Variants in SAMD12 observed in about 807,000 individuals in gnomAD.
SAMD12 encodes sterile alpha motif domain containing 12.
In SAMD12, 9 loss-of-function variants were observed where a neutral mutation model predicts 15.0. The ratio of observed to expected loss-of-function variants is 0.60; its 90% CI spans 0.36 to 1.05. The LOEUF (loss-of-function observed/expected upper bound fraction) is 1.05, where lower values mean the gene tolerates loss of function less well. Ranked by LOEUF, SAMD12 falls within the 50% of genes least tolerant of loss-of-function variation. The pLI is 0.01. For synonymous variants in SAMD12, 86 were observed against 90.1 expected (o/e 0.96, Z 0.25); for missense variants, 230 against 234.2 (o/e 0.98, Z 0.12).
chr8:118,432,260 T>C (rs1342957003), intron 3 of SAMD12, among the ~76,000 whole-genome samples: 1 of 152,052 alleles, frequency 6.6e-6, no homozygotes, highest in Non-Finnish European at 1.5e-5. Flanking sequence ...ATGATTACTT[T>C]GTCTCTTCAG....
intron 4 of SAMD12, among the ~76,000 whole-genome samples, chr8:118,215,689 C>T (rs1369213401): frequency 6.6e-6 from 1 of 151,538 alleles, no homozygotes; most frequent in Non-Finnish European, 1.5e-5. Flanking sequence ...TGTTCAATTC[C>T]CACCTATGAG....
the SAMD12 span, among the ~76,000 whole-genome samples, chr8:118,165,121 C>G: frequency 1.3e-5 from 2 of 152,034 alleles, no homozygotes; most frequent in Admixed American, 6.6e-5. Context: ...GGCTCACAAC[C>G]AAGATTGCCC....
the SAMD12 span, among the ~76,000 whole-genome samples, chr8:118,133,797 G>C: frequency 6.6e-6 from 1 of 151,972 alleles, no homozygotes; most frequent in Non-Finnish European, 1.5e-5. Flanking sequence ...ATAAGACAAA[G>C]TACTCATTCT....
intron 4 of SAMD12, among the ~76,000 whole-genome samples, chr8:118,202,056 T>C (rs1316358383): frequency 3.3e-5 from 5 of 152,184 alleles, no homozygotes; most frequent in African/African-American, 1.2e-4. Context: ...CACATGAATT[T>C]TTCCCAAGCT....
intron 3 of SAMD12, among the ~76,000 whole-genome samples, chr8:118,381,779 G>C (rs1199858119): frequency 6.6e-6 from 1 of 152,192 alleles, no homozygotes; most frequent in Non-Finnish European, 1.5e-5. Flanking sequence ...ACCCCGATAA[G>C]TGTAAGACAA....
intron 4 of SAMD12, among the ~76,000 whole-genome samples, chr8:118,217,964 G>A (rs948060537): frequency 6.6e-6 from 1 of 152,032 alleles, no homozygotes; most frequent in African/African-American, 2.4e-5. Flanking sequence ...ATTCTCCATG[G>A]TGCCTCACCA....
At chr8:118,474,371 C>T (rs1823895327) in intron 2 of SAMD12, among the ~76,000 whole-genome samples, 1 of 151,880 alleles carries the variant, frequency 6.6e-6, no homozygotes, top group African/African-American at 2.4e-5. Flanking sequence ...TTATTATGTG[C>T]CAAACAATAA....
intron 2 of SAMD12, among the ~76,000 whole-genome samples, chr8:118,580,428 T>C (rs982438486): frequency 1.3e-5 from 2 of 152,176 alleles, no homozygotes; most frequent in African/African-American, 4.8e-5. Context: ...GAGTGGTAAG[T>C]CTGAGCCTGG....
intron 4 of SAMD12, among the ~76,000 whole-genome samples, chr8:118,362,182 A>T (rs1284244717): frequency 1.3e-5 from 2 of 152,286 alleles, no homozygotes; most frequent in East Asian, 3.9e-4. Flanking sequence ...AAGGTAGTGC[A>T]TATTTAAAAT....
chr8:118,322,601 G>A (rs1816341203), intron 4 of SAMD12, among the ~76,000 whole-genome samples: 1 of 152,202 alleles, frequency 6.6e-6, no homozygotes, highest in Non-Finnish European at 1.5e-5. Context: ...CTCTGTCGTA[G>A]GCTGAACCAA....
chr8:118,237,751 G>A (rs964378290), intron 4 of SAMD12, among the ~76,000 whole-genome samples: 3 of 152,100 alleles, frequency 2.0e-5, no homozygotes, highest in African/African-American at 4.8e-5. Context: ...TTAAAATCAT[G>A]CAAATATAAG....
intron 2 of SAMD12, among the ~76,000 whole-genome samples, chr8:118,570,910 T>A (rs966039982): frequency 1.3e-5 from 2 of 152,180 alleles, no homozygotes; most frequent in African/African-American, 4.8e-5. Flanking sequence ...GGAGTTCCCC[T>A]GCACAAGCTC....
chr8:118,530,305 A>G (rs1292048379), intron 2 of SAMD12, among the ~76,000 whole-genome samples: 1 of 152,142 alleles, frequency 6.6e-6, no homozygotes, highest in Non-Finnish European at 1.5e-5. Flanking sequence ...GTGTACAGAT[A>G]ATTTTGTCAC....
chr8:118,553,501 C>T (rs1276964183), intron 2 of SAMD12, among the ~76,000 whole-genome samples: 1 of 152,128 alleles, frequency 6.6e-6, no homozygotes, highest in Admixed American at 6.5e-5. Context: ...GAAACTGGAT[C>T]CCTTCCTCAC....
chr8:118,469,800 T>TGATC (rs1823738961), intron 2 of SAMD12, among the ~76,000 whole-genome samples: 1 of 150,874 alleles, frequency 6.6e-6, no homozygotes, highest in Admixed American at 6.7e-5. Context: ...TGAACTCAGG[T>TGATC]GATCCATCTG....
chr8:118,229,068 T>C (rs1015344525), intron 4 of SAMD12, among the ~76,000 whole-genome samples: 1 of 152,152 alleles, frequency 6.6e-6, no homozygotes, highest in Non-Finnish European at 1.5e-5. Context: ...CTCACTGATA[T>C]GTGGGAGCTA....
chr8:118,545,920 A>T (rs923690128), intron 2 of SAMD12, among the ~76,000 whole-genome samples: 1 of 152,158 alleles, frequency 6.6e-6, no homozygotes, highest in African/African-American at 2.4e-5. Context: ...ATTGTTCCCA[A>T]CTGCAAAGCC....
At chr8:118,262,235 G>T (rs1167409996) in intron 4 of SAMD12, among the ~76,000 whole-genome samples, 5 of 152,072 alleles carry the variant, frequency 3.3e-5, no homozygotes, top group African/African-American at 1.2e-4. Flanking sequence ...TGGTGTGGAG[G>T]TGTTTGACTT....
chr8:118,208,244 C>T (rs555513220), intron 4 of SAMD12, among the ~76,000 whole-genome samples: 42 of 151,538 alleles, frequency 2.8e-4, no homozygotes, highest in Non-Finnish European at 4.0e-4. Flanking sequence ...GCAACAAGAG[C>T]GAAACTCTGT....
Sources: allele counts gnomAD v4.1 joint callset (sites outside exome capture counted in the v4.1 genomes callset), GRCh38; gene constraint gnomAD v4.1.1; transcripts MANE v1.5; gene names NCBI Gene and HGNC (gene_info 2026-07-23, HGNC 2026-07-21).